The following RORA variants were observed in gnomAD, a reference collection of about 807,000 sequenced individuals.
The protein encoded by RORA is nuclear receptor ROR-alpha.
RORA carries 7 observed loss-of-function variants against 69.5 expected under a neutral mutation model. The ratio of observed to expected loss-of-function variants is 0.10; its 90% CI spans 0.06 to 0.19. The LOEUF is 0.19. Ranked by LOEUF, RORA falls within the 10% of genes least tolerant of loss-of-function variation. RORA has a pLI of 1.00. For missense variants in RORA, 457 were observed against 663.0 expected, an observed-to-expected ratio of 0.69 and a Z score of 3.41; for synonymous variants, 261 against 240.8, an observed-to-expected ratio of 1.08 and a Z score of -0.78.
At chr15:60,726,388 C>A (rs187474520) in intron 1 of RORA, among the ~76,000 whole-genome samples, 1 of 152,150 alleles carries the variant, frequency 6.6e-6, no homozygotes, top group African/African-American at 2.4e-5. Flanking sequence ...ACAAAGGAGG[C>A]AAATGGTCCT....
intron 1 of RORA, among the ~76,000 whole-genome samples, chr15:60,702,127 C>T (rs2070990615): frequency 6.6e-6 from 1 of 152,200 alleles, no homozygotes; most frequent in Admixed American, 6.5e-5. Context: ...AGCGGTGGAA[C>T]ATTGGGCAAG....
intron 1 of RORA, among the ~76,000 whole-genome samples, chr15:61,028,378 T>C (rs550781275): frequency 2.0e-5 from 3 of 152,282 alleles, no homozygotes; most frequent in Admixed American, 6.5e-5. Context: ...TCTAGATAAG[T>C]AGACTGCCAG....
At chr15:60,605,011 G>A (rs190629892) in intron 2 of RORA, among the ~76,000 whole-genome samples, 76 of 152,270 alleles carry the variant, frequency 5.0e-4, no homozygotes, top group African/African-American at 1.7e-3. Context: ...AGTGTGAACA[G>A]GGAGTTTATT....
At chr15:61,209,673 T>C (rs1322854288) in intron 1 of RORA, among the ~76,000 whole-genome samples, 1 of 152,242 alleles carries the variant, frequency 6.6e-6, no homozygotes, top group African/African-American at 2.4e-5. Flanking sequence ...TATAGCAGCC[T>C]GAGCTAACTA....
In RORA at chr15:60,800,721, T is replaced by A. The variant is rs1198256772; in HGVS notation, c.167-122035A>T. Among the ~76,000 whole-genome samples the A allele has an allele frequency of 5.3e-5, 8 of 151,992 alleles. No individual in the cohort carries two copies. The South Asian group carries it at 1.2e-3, about 24-fold the overall frequency. ...CTGTCTACCCCACACAGCATCTACC[T>A]CCCAGCCCCCCAAACTCCTATTTAT... On this transcript the variant is annotated intron_variant, in intron 1 of 10. Transcript: ENST00000335670.
At chr15:60,849,784 T>C (rs2073304689) in intron 1 of RORA, among the ~76,000 whole-genome samples, 1 of 152,028 alleles carries the variant, frequency 6.6e-6, no homozygotes, top group African/African-American at 2.4e-5. Flanking sequence ...ACAAGGATGG[T>C]TTTGTTGAGG....
chr15:61,138,006 T>A (rs956754206), intron 1 of RORA, among the ~76,000 whole-genome samples: 1 of 152,214 alleles, frequency 6.6e-6, no homozygotes, highest in South Asian at 2.1e-4. Context: ...CTATAGCATA[T>A]GGTTACCAGA....
chr15:61,021,518 T>C (rs904258867), intron 1 of RORA, among the ~76,000 whole-genome samples: 2 of 152,176 alleles, frequency 1.3e-5, no homozygotes, highest in Non-Finnish European at 2.9e-5. Flanking sequence ...CTAGCAATCG[T>C]ACAAGTGAGG....
chr15:61,100,733 T>C (rs2078867449), intron 1 of RORA, among the ~76,000 whole-genome samples: 1 of 152,222 alleles, frequency 6.6e-6, no homozygotes, highest in Non-Finnish European at 1.5e-5. Flanking sequence ...ACATTATCTA[T>C]CACCAGCACA....
rs572622757 is a variant in RORA at position 60,812,544 on chromosome 15, A to G, written c.167-133858T>C. 3.6e-4 allele frequency among the ~76,000 whole-genome samples: 55 copies of G among 152,316 alleles called. No homozygotes were observed. The East Asian group carries it at 0.011, about 29-fold the overall frequency. Reference sequence around the variant, plus strand: ...ATAAATCAATAAATAAAGAAGAGTGAATGAAATAATATGTGGAGAAAGCAA... The same window carrying G: ...ATAAATCAATAAATAAAGAAGAGTGGATGAAATAATATGTGGAGAAAGCAA... On this transcript the variant is annotated intron_variant, in intron 1 of 10. Coordinates refer to ENST00000335670, the MANE Select transcript of RORA (RefSeq NM_134261.3).
At chr15:60,942,268 T>C (rs932517613) in intron 1 of RORA, among the ~76,000 whole-genome samples, 16 of 152,218 alleles carry the variant, frequency 1.1e-4, no homozygotes, top group African/African-American at 2.4e-5. Flanking sequence ...AGTGAGTTTA[T>C]GTCTCAAGGC....
At chr15:61,138,516 C>T (rs2079266019) in intron 1 of RORA, among the ~76,000 whole-genome samples, 1 of 152,118 alleles carries the variant, frequency 6.6e-6, no homozygotes, top group Non-Finnish European at 1.5e-5. Flanking sequence ...TTTTGAGCAC[C>T]GATTTTTGGA....
rs527520974 is a variant in RORA, at chr15:60,556,664, A to G, written c.197-24813T>C. ...TGGCATCTTTTGTGATAAAACAGGT[A>G]TAACCCTGTTTCATGAGTCTATTGG... On this transcript the variant is annotated intron_variant, in intron 2 of 10. Transcript: ENST00000335670. 3.9e-5 allele frequency among the ~76,000 whole-genome samples: 6 copies of G among 152,306 alleles called. No homozygotes were observed. The South Asian group carries it at 6.2e-4, about 16-fold the overall frequency.
At chr15:61,166,748 T>A (rs912262287) in intron 1 of RORA, among the ~76,000 whole-genome samples, 1 of 152,100 alleles carries the variant, frequency 6.6e-6, no homozygotes, top group African/African-American at 2.4e-5. Context: ...CCTAGCACAG[T>A]GCTCATCCCA....
chr15:60,996,785 C>CT (rs1894557182), intron 1 of RORA, among the ~76,000 whole-genome samples: 1 of 151,690 alleles, frequency 6.6e-6, no homozygotes, highest in African/African-American at 2.4e-5. Flanking sequence ...TGGCAGGCGC[C>CT]TGTAGTCGCA....
chr15:60,984,464 G>T (rs1279560422), intron 1 of RORA, among the ~76,000 whole-genome samples: 2 of 151,270 alleles, frequency 1.3e-5, no homozygotes, highest in Non-Finnish European at 2.9e-5. Flanking sequence ...AATTACTACT[G>T]ACAGTTACCT....
intron 1 of RORA, among the ~76,000 whole-genome samples, chr15:60,859,799 G>A (rs992601087): frequency 1.8e-4 from 28 of 151,790 alleles, no homozygotes; most frequent in Non-Finnish European, 4.0e-4. Context: ...ATCAATATTT[G>A]TGGAATTTAC....
intron 1 of RORA, among the ~76,000 whole-genome samples, chr15:60,952,091 CATGATCAAGTGGGCT>C (rs1295934065): frequency 6.6e-6 from 1 of 150,738 alleles, no homozygotes; most frequent in Non-Finnish European, 1.5e-5. Context: ...GCTTATCCAC[CATGATCAAGTGGGCT>C]TCATCCCTGG....
intron 2 of RORA, among the ~76,000 whole-genome samples, chr15:60,571,292 A>G (rs541717978): frequency 6.6e-6 from 1 of 152,120 alleles, no homozygotes; most frequent in East Asian, 1.9e-4. Context: ...AATTCATCGT[A>G]ATGGTATATT....
Sources: allele counts gnomAD v4.1 joint callset (sites outside exome capture counted in the v4.1 genomes callset), GRCh38; gene constraint gnomAD v4.1.1; transcripts MANE v1.5; gene names NCBI Gene and HGNC (gene_info 2026-07-23, HGNC 2026-07-21).